The following NHLH1 variants were observed in gnomAD, a reference collection of about 807,000 sequenced individuals.
The protein encoded by NHLH1 is nescient helix-loop-helix 1.
A neutral mutation model predicts 6.7 loss-of-function variants in NHLH1; 3 were observed. That is an observed-to-expected ratio of 0.44 (90% CI 0.20 to 1.15). The LOEUF (loss-of-function observed/expected upper bound fraction) is 1.15. NHLH1 is among the 50% of genes most tolerant of loss of function. The pLI, the probability that NHLH1 is intolerant of heterozygous loss-of-function variation, is 0.26. For synonymous variants in NHLH1, 92 were observed against 84.2 expected, an observed-to-expected ratio of 1.09 and a Z score of -0.51; for missense variants, 177 against 189.5, an observed-to-expected ratio of 0.93 and a Z score of 0.39.
chr1:160,370,630 A>ACCCTTCCTCC lies in NHLH1; in HGVS notation c.-87_-78dup, dbSNP rs886530141. ...CTAGAGCTCAGTGGCAGACCCCACG[A>ACCCTTCCTCC]CCCTTCCTCCCCCTTCCTCCCCCTC... On this transcript the variant is annotated 5_prime_UTR_variant, in exon 2 of 2. Transcript: ENST00000302101. 8.4e-6 allele frequency: 10 copies of ACCCTTCCTCC among 1,196,700 alleles called. No homozygotes were observed. Among genetic ancestry groups the ACCCTTCCTCC allele is most frequent in the South Asian group, 1.4e-5 (1 of 69,562 alleles). 74.1% of individuals were successfully genotyped at this position (1,196,700 alleles called of 1,614,324 possible).
chr1:160,367,488 G>A (rs531548936), intron 1 of NHLH1, among the ~76,000 whole-genome samples, 151 bp downstream of exon 1: 3 of 152,126 alleles, frequency 2.0e-5, no homozygotes, highest in East Asian at 3.9e-4. Context: ...CCTCCCCTTC[G>A]ACTCTTTGTG....
chr1:160,369,463 T>C (rs1452665618), intron 1 of NHLH1, among the ~76,000 whole-genome samples: 1 of 152,224 alleles, frequency 6.6e-6, no homozygotes, highest in Admixed American at 6.5e-5. Flanking sequence ...GTAGGATTCC[T>C]GGAGCATATG....
intron 1 of NHLH1, among the ~76,000 whole-genome samples, chr1:160,369,532 C>T (rs1649576207): frequency 6.6e-6 from 1 of 152,170 alleles, no homozygotes; most frequent in East Asian, 1.9e-4. Context: ...GTGGTTGCAT[C>T]ATTTTGCAAT....
In NHLH1 at chr1:160,371,974, G is replaced by A. The variant is rs545495311; in HGVS notation, c.*841G>A. 2.4e-5 allele frequency: 4 copies of A among 166,950 alleles called. No individual in the cohort carries two copies. Among genetic ancestry groups the A allele is most frequent in the Admixed American group, 1.3e-4 (2 of 15,292 alleles). The allele number at this position is 166,950 out of a possible 1,614,324, so 10.3% of individuals were successfully genotyped here. A position where few individuals can be genotyped will look rare whatever the true frequency, so the allele number is the denominator to read the frequency against. On this transcript the variant is annotated 3_prime_UTR_variant, in exon 2 of 2. Coordinates refer to ENST00000302101, the MANE Select transcript of NHLH1 (RefSeq NM_005598.4). ...AGTATTTGCAGAAGGCTCAGGCAAC[G>A]AGTGGGCCACATCTCACTTCTGCTT...
At position 160,371,377 on chromosome 1, in the gene NHLH1, G is replaced by A. The variant is rs1162041045; in HGVS notation, c.*244G>A. ...TGCTGAGGCCCAGCTGTGCAGAATT[G>A]TTTGCTAGTGTGGTTGGTATGGAAT... On this transcript the variant is annotated 3_prime_UTR_variant, in exon 2 of 2. Coordinates refer to ENST00000302101, the MANE Select transcript of NHLH1 (RefSeq NM_005598.4). 1 of 516,708 alleles carries A rather than the reference G, an allele frequency of 1.9e-6. No individual in the cohort carries two copies. The highest frequency in any genetic ancestry group is 3.3e-6 in the Non-Finnish European group (1 of 300,114). The allele number at this position is 516,708 out of a possible 1,614,324, so 32.0% of individuals were successfully genotyped here.
At position 160,370,544 on chromosome 1, in the gene NHLH1, TTC is replaced by T; in HGVS notation, c.-175-9_-175-8del. On this transcript the variant is annotated splice_polypyrimidine_tract_variant and intron_variant, in intron 1 of 1. Coordinates refer to ENST00000302101, the MANE Select transcript of NHLH1 (RefSeq NM_005598.4). Reference sequence around the variant, plus strand: ...TCCCTCCGCTGCTATCACTTCTCTCTTCTCTTTTTCAGGCTTCAGACTGGCAC... The same window carrying T: ...TCCCTCCGCTGCTATCACTTCTCTCTTCTTTTTCAGGCTTCAGACTGGCAC... The T allele has an allele frequency of 1.7e-6, 1 of 600,826 alleles. No individual in the cohort carries two copies. The highest frequency in any genetic ancestry group is 3.0e-6 in the Non-Finnish European group (1 of 334,680). 37.2% of individuals were successfully genotyped at this position (600,826 alleles called of 1,614,324 possible). A position where few individuals can be genotyped will look rare whatever the true frequency, so the allele number is the denominator to read the frequency against.
intron 1 of NHLH1, among the ~76,000 whole-genome samples, chr1:160,368,775 C>G (rs1462439697): frequency 1.3e-5 from 2 of 152,128 alleles, no homozygotes; most frequent in Non-Finnish European, 1.5e-5. Flanking sequence ...TTTATCCGCT[C>G]CTCCACCTCA....
Position 160,372,535 on chromosome 1 carries a change from C to T in NHLH1, c.*1402C>T, listed in dbSNP as rs1649651901. 6.0e-6 allele frequency: 1 copy of T among 166,884 alleles called. No homozygotes were observed. Among genetic ancestry groups the T allele is most frequent in the Non-Finnish European group, 1.5e-5 (1 of 68,130 alleles). 10.3% of individuals were successfully genotyped at this position (166,884 alleles called of 1,614,324 possible). A position where few individuals can be genotyped will look rare whatever the true frequency, so the allele number is the denominator to read the frequency against. ...CAACTCCTGGTGTGTGTGAGCATGC[C>T]CTTTGCTTGCCACACCATATCCTTT... is the stretch of plus-strand genomic sequence containing the variant. On this transcript the variant is annotated 3_prime_UTR_variant, in exon 2 of 2. Coordinates refer to ENST00000302101, the MANE Select transcript of NHLH1 (RefSeq NM_005598.4).
At chr1:160,369,193 C>T (rs1649567368) in intron 1 of NHLH1, among the ~76,000 whole-genome samples, 1 of 152,226 alleles carries the variant, frequency 6.6e-6, no homozygotes, top group Non-Finnish European at 1.5e-5. Flanking sequence ...TGGAGCTATA[C>T]AGTATTTGTG....
At chr1:160,367,979 C>A (rs560179931) in intron 1 of NHLH1, among the ~76,000 whole-genome samples, 2 of 152,262 alleles carry the variant, frequency 1.3e-5, no homozygotes, top group African/African-American at 4.8e-5. Flanking sequence ...AATGTGTTCT[C>A]AATTTCAGCA....
chr1:160,369,324 T>C (rs184746395), intron 1 of NHLH1, among the ~76,000 whole-genome samples: 1 of 152,338 alleles, frequency 6.6e-6, no homozygotes, highest in East Asian at 1.9e-4. Context: ...ATACATTTTG[T>C]TTATCTGTTG....
At chr1:160,369,123 G>A (rs1189334293) in intron 1 of NHLH1, among the ~76,000 whole-genome samples, 1 of 152,024 alleles carries the variant, frequency 6.6e-6, no homozygotes, top group African/African-American at 2.4e-5. Context: ...CCAGCCCCTG[G>A]CAACGGCCAT....
chr1:160,369,132 A>C (rs1158839417), intron 1 of NHLH1, among the ~76,000 whole-genome samples: 2 of 152,132 alleles, frequency 1.3e-5, no homozygotes, highest in Non-Finnish European at 2.9e-5. Context: ...GGCAACGGCC[A>C]TTCTACTTTC....
chr1:160,370,971 C>G lies in NHLH1; in HGVS notation c.240C>G (p.His80Gln). ...CCACAGCCAAGTACCGCACGGCCCA[C>G]GCCACGCGAGAACGCATCCGCGTGG... ...RRATAKYRTA[H>Q]ATRERIRVEA... The change falls in exon 2 of 2, where the codon CAC becomes CAG. Residue 80 changes from histidine (H) to glutamine (Q), a missense_variant. Coordinates refer to ENST00000302101, the MANE Select transcript of NHLH1 (RefSeq NM_005598.4). The G allele has an allele frequency of 6.2e-7, 1 of 1,612,976 alleles. No individual in the cohort carries two copies. The highest frequency in any genetic ancestry group is 8.5e-7 in the Non-Finnish European group (1 of 1,179,410).
chr1:160,371,026 C>T lies in NHLH1; in HGVS notation c.295C>T (p.Arg99Cys). Reference protein sequence around the residue: ...EAFNLAFAELRKLLPTLPPDK... With the variant: ...EAFNLAFAELCKLLPTLPPDK... The stretch of plus-strand genomic sequence containing the variant: ...CTTCAACCTGGCCTTCGCCGAGCTG[C>T]GCAAGCTGCTGCCTACGCTGCCCCC... The change falls in exon 2 of 2, where the codon CGC (arginine) becomes TGC (cysteine). Residue 99 changes from arginine (R) to cysteine (C), a missense_variant. Arg to Cys is a radical substitution (Grantham distance 180, BLOSUM62 -3). Coordinates refer to ENST00000302101, the MANE Select transcript of NHLH1 (RefSeq NM_005598.4). 6.2e-7 allele frequency: 1 copy of T among 1,614,102 alleles called. No homozygotes were observed. The highest frequency in any genetic ancestry group is 8.5e-7 in the Non-Finnish European group (1 of 1,179,976).
At chr1:160,367,944 A>G (rs183291716) in intron 1 of NHLH1, among the ~76,000 whole-genome samples, 32 of 141,458 alleles carry the variant, frequency 2.3e-4, no homozygotes, top group Admixed American at 2.2e-3. Context: ...ATCCCCCCAT[A>G]GTTCATTTGA....
In NHLH1 at chr1:160,370,548, CTT is replaced by C. The variant is rs1649599223; in HGVS notation, c.-175-5_-175-4del. On this transcript the variant is annotated splice_polypyrimidine_tract_variant and splice_region_variant and intron_variant, in intron 1 of 1. Coordinates refer to ENST00000302101, the MANE Select transcript of NHLH1 (RefSeq NM_005598.4). ...TCCGCTGCTATCACTTCTCTCTTCT[CTT>C]TTTCAGGCTTCAGACTGGCACCCTG... 1.3e-5 allele frequency: 8 copies of C among 608,546 alleles called. No individual in the cohort carries two copies. The highest frequency in any genetic ancestry group is 1.2e-4 in the South Asian group (6 of 50,182). 37.7% of individuals were successfully genotyped at this position (608,546 alleles called of 1,614,324 possible). A position where few individuals can be genotyped will look rare whatever the true frequency, so the allele number is the denominator to read the frequency against.
At position 160,367,231 on chromosome 1, in the gene NHLH1, G is replaced by C. The variant is rs1408948430; in HGVS notation, c.-282G>C. On this transcript the variant is annotated 5_prime_UTR_variant, in exon 1 of 2. Coordinates refer to ENST00000302101, the MANE Select transcript of NHLH1 (RefSeq NM_005598.4). ...CTACCCCTGAGAGTCTAGAAAGCTG[G>C]TCACTAACTTTGCAGACGGATGAGC... 1 of 152,472 alleles carries C rather than the reference G, an allele frequency of 6.6e-6. No homozygotes were observed. The highest frequency in any genetic ancestry group is 2.1e-4 in the South Asian group (1 of 4,828). The allele number at this position is 152,472 out of a possible 1,614,324, so 9.4% of individuals were successfully genotyped here.
chr1:160,367,751 G>C (rs1188650366), intron 1 of NHLH1, among the ~76,000 whole-genome samples: 1 of 152,166 alleles, frequency 6.6e-6, no homozygotes, highest in Non-Finnish European at 1.5e-5. Flanking sequence ...GCATGGCAAA[G>C]TGATGAGGGA....
Sources: gnomAD v4.1 joint callset for allele counts (sites outside exome capture counted in the v4.1 genomes callset) on GRCh38, gnomAD v4.1.1 for gene constraint, MANE v1.5 for transcripts, NCBI Gene and HGNC (gene_info 2026-07-23, HGNC 2026-07-21) for gene names.